The following SGCD variants were observed in gnomAD, a reference collection of about 807,000 sequenced individuals.
SGCD encodes the protein sarcoglycan delta, also known as delta-sarcoglycan.
In SGCD, 18 loss-of-function variants were observed where a neutral mutation model predicts 36.6. The ratio of observed to expected loss-of-function variants is 0.49; its 90% CI spans 0.34 to 0.73. SGCD has a LOEUF of 0.73. Ranked by LOEUF, SGCD falls within the 30% of genes least tolerant of loss-of-function variation. The probability of loss-of-function intolerance (pLI) is 0.01; values close to 1 mark genes in which losing one functional copy is unlikely to be tolerated. For missense variants in SGCD, 387 were observed against 346.7 expected, an observed-to-expected ratio of 1.12 and a Z score of -0.92; for synonymous variants, 133 against 130.6, an observed-to-expected ratio of 1.02 and a Z score of -0.12.
intron 3 of SGCD, among the ~76,000 whole-genome samples, chr5:156,239,936 T>C (rs978152233): frequency 1.3e-5 from 2 of 152,250 alleles, no homozygotes; most frequent in Non-Finnish European, 2.9e-5. Context: ...TTGTTGACCT[T>C]GACTTTTGAA....
At chr5:156,276,936 C>T (rs1178483334) in intron 3 of SGCD, among the ~76,000 whole-genome samples, 5 of 152,022 alleles carry the variant, frequency 3.3e-5, no homozygotes, top group African/African-American at 1.2e-4. Context: ...AAATGATGAG[C>T]ATCCTTGTGG....
Position 156,037,337 on chromosome 5 carries a change from G to C in SGCD, c.-281-80541G>C, listed in dbSNP as rs546946315. ...AAGGGAACACTGTGTGTTCAAGGCA[G>C]TGACAGCAAGTGTGATGGAGCTGAT... On this transcript the variant is annotated intron_variant, in intron 1 of 9. Coordinates refer to the SGCD transcript ENST00000517913. Among the ~76,000 whole-genome samples, 6 of 152,302 alleles carry C rather than the reference G, an allele frequency of 3.9e-5. No homozygotes were observed. In the South Asian group the frequency reaches 1.2e-3, roughly 32 times the overall value.
intron 6 of SGCD, among the ~76,000 whole-genome samples, chr5:156,640,261 C>T (rs1353022174): frequency 1.3e-5 from 2 of 151,766 alleles, no homozygotes; most frequent in Admixed American, 1.3e-4. Flanking sequence ...GTGAAGTGTG[C>T]ATTTATATAG....
intron 6 of SGCD, among the ~76,000 whole-genome samples, chr5:156,624,782 C>T (rs1027779431): frequency 6.6e-6 from 1 of 152,008 alleles, no homozygotes; most frequent in Non-Finnish European, 1.5e-5. Context: ...CTCTTTTCGT[C>T]TGTGATTCCT....
chr5:156,378,405 T>G (rs539114278), intron 3 of SGCD, among the ~76,000 whole-genome samples: 1 of 152,262 alleles, frequency 6.6e-6, no homozygotes, highest in South Asian at 2.1e-4. Flanking sequence ...GTTCTGAAAA[T>G]AGATGGGGAT....
At chr5:156,101,877 A>G (rs539479411) in intron 1 of SGCD, among the ~76,000 whole-genome samples, 1 of 147,898 alleles carries the variant, frequency 6.8e-6, no homozygotes, top group African/African-American at 2.5e-5. Context: ...AACGTATAGG[A>G]GAATCTATTC....
At chr5:156,180,788 C>T (rs1333993131) in intron 3 of SGCD, among the ~76,000 whole-genome samples, 2 of 152,106 alleles carry the variant, frequency 1.3e-5, no homozygotes, top group Non-Finnish European at 2.9e-5. Flanking sequence ...GGGAGGCACA[C>T]ATTATTTTGT....
intron 4 of SGCD, among the ~76,000 whole-genome samples, chr5:156,548,752 C>T (rs1758678232): frequency 6.6e-6 from 1 of 152,074 alleles, no homozygotes; most frequent in Non-Finnish European, 1.5e-5. Context: ...TGCACAGTCA[C>T]TGGTGATGGT....
chr5:156,724,347 G>A (rs1409983761), intron 7 of SGCD, among the ~76,000 whole-genome samples: 1 of 152,218 alleles, frequency 6.6e-6, no homozygotes, highest in East Asian at 1.9e-4. Flanking sequence ...GCTCACGCCT[G>A]TAATCCCAGC....
At chr5:155,970,454 G>T (rs186843724) in intron 1 of SGCD, among the ~76,000 whole-genome samples, 33 of 152,282 alleles carry the variant, frequency 2.2e-4, no homozygotes, top group Non-Finnish European at 3.8e-4. Context: ...AGGTGCTAGA[G>T]TTGTAGCAGT....
intron 3 of SGCD, among the ~76,000 whole-genome samples, chr5:156,350,011 T>G (rs1244100434): frequency 6.6e-6 from 1 of 151,800 alleles, no homozygotes; most frequent in East Asian, 1.9e-4. Context: ...ATGTTCTTTT[T>G]GATAAGTGGG....
At chr5:156,373,866 C>T (rs1301175909) in intron 3 of SGCD, among the ~76,000 whole-genome samples, 1 of 152,092 alleles carries the variant, frequency 6.6e-6, no homozygotes, top group Non-Finnish European at 1.5e-5. Context: ...TCCACATCAC[C>T]CAGTGGTCAG....
At chr5:155,753,850 C>A in the SGCD span, among the ~76,000 whole-genome samples, 1 of 152,106 alleles carries the variant, frequency 6.6e-6, no homozygotes, top group Non-Finnish European at 1.5e-5. Flanking sequence ...ATCACCAGCC[C>A]CCAGGTCCTC....
Position 155,954,915 on chromosome 5 carries a change from A to C in SGCD, c.-282+84491A>C, listed in dbSNP as rs1581010129. On this transcript the variant is annotated intron_variant, in intron 1 of 9. Coordinates refer to the SGCD transcript ENST00000517913. Reference sequence around the variant, plus strand: ...CAAGTGCCTGAGAGCCAGAAGAGCCAATGGTGCAAGTTGCAGTCTGAAAGC... The same window carrying C: ...CAAGTGCCTGAGAGCCAGAAGAGCCCATGGTGCAAGTTGCAGTCTGAAAGC... Among the ~76,000 whole-genome samples the C allele has an allele frequency of 2.0e-5, 3 of 152,172 alleles. No individual in the cohort carries two copies. The South Asian group carries it at 6.2e-4, about 31-fold the overall frequency.
the SGCD span, among the ~76,000 whole-genome samples, chr5:155,746,338 G>A: frequency 5.9e-5 from 9 of 152,036 alleles, no homozygotes; most frequent in African/African-American, 2.2e-4. Flanking sequence ...AAGGAAATAA[G>A]AGTACAGTCC....
intron 1 of SGCD, among the ~76,000 whole-genome samples, chr5:155,923,956 A>G (rs991070415): frequency 1.3e-5 from 2 of 152,204 alleles, no homozygotes; most frequent in Non-Finnish European, 2.9e-5. Context: ...GTCCTCATTT[A>G]GATGTAAAAT....
chr5:155,993,553 C>A (rs1201949360), intron 1 of SGCD, among the ~76,000 whole-genome samples: 1 of 152,046 alleles, frequency 6.6e-6, no homozygotes, highest in Non-Finnish European at 1.5e-5. Context: ...CTACATTGGC[C>A]AGACTGGTCT....
intron 1 of SGCD, among the ~76,000 whole-genome samples, chr5:155,956,040 G>A (rs1009506169): frequency 5.9e-5 from 9 of 151,806 alleles, no homozygotes; most frequent in African/African-American, 2.2e-4. Context: ...TGAAATAATT[G>A]CATTGCCACT....
chr5:155,871,279 G>A (rs551110123), intron 1 of SGCD, among the ~76,000 whole-genome samples: 6 of 152,172 alleles, frequency 3.9e-5, no homozygotes, highest in East Asian at 3.9e-4. Flanking sequence ...TTGAAGAGAC[G>A]GTACATTGTT....
Sources: gnomAD v4.1 joint callset for allele counts (sites outside exome capture counted in the v4.1 genomes callset) on GRCh38, gnomAD v4.1.1 for gene constraint, MANE v1.5 for transcripts, NCBI Gene and HGNC (gene_info 2026-07-23, HGNC 2026-07-21) for gene names.